Variants in CHCHD6 observed in about 807,000 individuals in gnomAD.
CHCHD6 encodes coiled-coil-helix-coiled-coil-helix domain containing 6.
A neutral mutation model predicts 32.3 loss-of-function variants in CHCHD6; 28 were observed. The ratio of observed to expected loss-of-function variants is 0.87; its 90% confidence interval spans 0.64 to 1.19. CHCHD6 has a LOEUF of 1.19. CHCHD6 is among the 50% of genes most tolerant of loss of function. CHCHD6 has a pLI of 0.00. For missense variants in CHCHD6, 333 were observed against 307.0 expected, an observed-to-expected ratio of 1.08 and a Z score of -0.63; for synonymous variants, 122 against 117.5, an observed-to-expected ratio of 1.04 and a Z score of -0.25.
chr3:126,876,481 G>T (rs1344173270), intron 5 of CHCHD6, among the ~76,000 whole-genome samples: 1 of 152,210 alleles, frequency 6.6e-6, no homozygotes, highest in Non-Finnish European at 1.5e-5. Flanking sequence ...CTCATTCTTG[G>T]TATTTGTATT....
intron 1 of CHCHD6, among the ~76,000 whole-genome samples, chr3:126,717,403 T>G (rs1024762547): frequency 1.3e-5 from 2 of 152,162 alleles, no homozygotes; most frequent in Admixed American, 6.5e-5. Context: ...CTTGAGGTTT[T>G]TAAGATGGCA....
At chr3:126,960,168 AC>A (rs2078841140) in intron 7 of CHCHD6, 27 bp from the exon 8 acceptor site, 2 of 1,551,252 alleles carry the variant, frequency 1.3e-6, no homozygotes, top group Admixed American at 3.9e-5. Context: ...GTGGGCCCTG[AC>A]TCAACTCTGA....
rs572534877 is a variant in CHCHD6 at position 126,859,057 on chromosome 3, G to A, written c.495+6327G>A. Among the ~76,000 whole-genome samples the A allele has an allele frequency of 2.6e-5, 4 of 152,378 alleles. No homozygotes were observed. In the South Asian group the frequency reaches 6.2e-4, roughly 24 times the overall value. On this transcript the variant is annotated intron_variant, in intron 5 of 7. Transcript: ENST00000290913. ...CTGTGAGCACAGTCCTTGCTGGTCT[G>A]ATTCATCAGGTGATTCATCGCCAAG...
chr3:126,832,468 C>T (rs1351872446), intron 4 of CHCHD6, among the ~76,000 whole-genome samples: 1 of 152,098 alleles, frequency 6.6e-6, no homozygotes, highest in South Asian at 2.1e-4. Context: ...CCAGTAGCTG[C>T]TTTTGAATAT....
chr3:126,943,731 T>G (rs991438477), intron 6 of CHCHD6, among the ~76,000 whole-genome samples: 1 of 152,148 alleles, frequency 6.6e-6, no homozygotes, highest in African/African-American at 2.4e-5. Context: ...TTTGCAATAC[T>G]TAGGGTTTAC....
At chr3:126,769,577 C>T (rs1937507803) in intron 4 of CHCHD6, among the ~76,000 whole-genome samples, 2 of 152,266 alleles carry the variant, frequency 1.3e-5, no homozygotes, top group East Asian at 1.9e-4. Context: ...GATCTTGGCT[C>T]ACTGCAACCT....
chr3:126,747,263 T>C (rs1368770690), intron 4 of CHCHD6, among the ~76,000 whole-genome samples: 1 of 152,192 alleles, frequency 6.6e-6, no homozygotes, highest in Non-Finnish European at 1.5e-5. Flanking sequence ...GTGTGCTCTT[T>C]GTAATTGCGT....
chr3:126,723,044 A>G (rs1217180476), intron 1 of CHCHD6, among the ~76,000 whole-genome samples: 1 of 152,062 alleles, frequency 6.6e-6, no homozygotes, highest in African/African-American at 2.4e-5. Flanking sequence ...TCCCAGCATC[A>G]TTGGTTGAAG....
intron 6 of CHCHD6, 114 bp from the exon 7 acceptor site, chr3:126,957,302 G>A: frequency 8.6e-7 from 1 of 1,157,480 alleles, no homozygotes; most frequent in South Asian, 1.4e-5. Flanking sequence ...GATGCTGCTG[G>A]GTGTCAGGGA....
intron 4 of CHCHD6, among the ~76,000 whole-genome samples, chr3:126,812,689 C>T (rs1217264737): frequency 6.6e-6 from 1 of 152,074 alleles, no homozygotes; most frequent in Non-Finnish European, 1.5e-5. Context: ...ACCTCAGCCT[C>T]CCACAGTGCT....
intron 1 of CHCHD6, among the ~76,000 whole-genome samples, chr3:126,707,371 AT>A (rs1303353472): frequency 6.6e-6 from 1 of 152,214 alleles, no homozygotes; most frequent in African/African-American, 2.4e-5. Flanking sequence ...GGTAAAAGAA[AT>A]TTAATGAATG....
At chr3:126,861,903 G>C (rs1364119232) in intron 5 of CHCHD6, among the ~76,000 whole-genome samples, 26 of 22,224 alleles carry the variant, frequency 1.2e-3, no homozygotes, top group African/African-American at 3.0e-3. Context: ...CCCCCTCCAT[G>C]ACCATCACCA....
chr3:126,808,405 G>T (rs1939509770), intron 4 of CHCHD6, among the ~76,000 whole-genome samples: 1 of 152,176 alleles, frequency 6.6e-6, no homozygotes, highest in African/African-American at 2.4e-5. Flanking sequence ...AGGTGATGGG[G>T]ATCATCGGGG....
chr3:126,910,824 G>A (rs551180090), intron 5 of CHCHD6, among the ~76,000 whole-genome samples: 12 of 152,190 alleles, frequency 7.9e-5, no homozygotes, highest in African/African-American at 2.6e-4. Flanking sequence ...GTGGCAGATC[G>A]TGTCTGCTGC....
At chr3:126,882,526 C>T (rs948440593) in intron 5 of CHCHD6, among the ~76,000 whole-genome samples, 5 of 152,196 alleles carry the variant, frequency 3.3e-5, no homozygotes, top group African/African-American at 1.2e-4. Context: ...ATTTCTTTTA[C>T]GAATCATCTG....
intron 4 of CHCHD6, among the ~76,000 whole-genome samples, chr3:126,797,747 G>T (rs1223237182): frequency 6.6e-6 from 1 of 152,190 alleles, no homozygotes; most frequent in Non-Finnish European, 1.5e-5. Flanking sequence ...TGGAGGAGAG[G>T]TTGATGCGAA....
intron 5 of CHCHD6, among the ~76,000 whole-genome samples, chr3:126,884,671 A>G (rs1229660334): frequency 5.3e-5 from 8 of 152,228 alleles, no homozygotes. Context: ...GGATGATTAG[A>G]AAATTTGATC....
At position 126,733,179 on chromosome 3, in the gene CHCHD6, G is replaced by T; in HGVS notation, c.368G>T (p.Gly123Val). ...CACTCCAAGGCATCCCTGCCCACGG[G>T]CGAAGGCAGCATCAGCCATGAGGAG... is the stretch of plus-strand genomic sequence containing the variant. ...TKHSKASLPT[G>V]EGSISHEEQK... Residue 123 changes from glycine to valine, a missense_variant, in exon 4 of 8, where the codon GGC (glycine) becomes GTC (valine). Gly to Val is a moderately radical substitution (Grantham distance 109). Transcript: ENST00000290913. The T allele has an allele frequency of 6.2e-7, 1 of 1,614,184 alleles. No homozygotes were observed. Among genetic ancestry groups the T allele is most frequent in the Non-Finnish European group, 8.5e-7 (1 of 1,180,016 alleles).
chr3:126,845,237 C>T (rs1177619098), intron 4 of CHCHD6, among the ~76,000 whole-genome samples: 2 of 152,132 alleles, frequency 1.3e-5, no homozygotes, highest in African/African-American at 4.8e-5. Context: ...CTTTGTTCCT[C>T]TTTGCTTCTT....
Sources: gnomAD v4.1 joint callset for allele counts (sites outside exome capture counted in the v4.1 genomes callset) on GRCh38, gnomAD v4.1.1 for gene constraint, MANE v1.5 for transcripts, NCBI Gene and HGNC (gene_info 2026-07-23, HGNC 2026-07-21) for gene names.